Variants in RFTN1 observed in about 807,000 individuals in gnomAD.
The protein encoded by RFTN1 is raftlin, lipid raft linker 1.
Under a neutral mutation model 46.5 loss-of-function variants are expected in RFTN1, and 26 were observed. That is an observed-to-expected ratio of 0.56 (90% CI 0.41 to 0.78). The LOEUF is 0.78. Among genes scored for constraint, RFTN1 ranks in the 30% least tolerant of loss-of-function variants. RFTN1 has a pLI of 0.00. For missense variants in RFTN1, 693 were observed against 718.7 expected (o/e 0.96, Z 0.41); for synonymous variants, 261 against 284.2 (o/e 0.92, Z 0.82).
chr3:16,428,917 T>A lies in RFTN1; in HGVS notation c.332+4934A>T, dbSNP rs2075334909. On this transcript the variant is annotated intron_variant, in intron 3 of 9. Transcript: ENST00000334133. This position sits in a 1 kb window ranked among gnomAD's most constrained non-coding sequence, Gnocchi z 4.7. Reference sequence around the variant, plus strand: ...AAAACTACTTGAAAAAAATGAAGGATCACTTAACTATACTTAGAATTCAGA... The same window carrying A: ...AAAACTACTTGAAAAAAATGAAGGAACACTTAACTATACTTAGAATTCAGA... Among the ~76,000 whole-genome samples the A allele has an allele frequency of 6.6e-6, 1 of 152,168 alleles. No homozygotes were observed. The highest frequency in any genetic ancestry group is 1.5e-5 in the Non-Finnish European group (1 of 68,018).
chr3:16,493,710 A>G lies in RFTN1; in HGVS notation c.145+15T>C. 7.3e-7 allele frequency: 1 copy of G among 1,378,896 alleles called. No individual in the cohort carries two copies. The allele number at this position is 1,378,896 out of a possible 1,614,324, so 85.4% of individuals were successfully genotyped here. On this transcript the variant is annotated intron_variant, in intron 2 of 9. Coordinates refer to ENST00000334133, the MANE Select transcript of RFTN1 (RefSeq NM_015150.2). ...ACCCCACCTGCCCCCATCCATTCCC[A>G]CCCCATGTACTCACCAGCACTCAGA...
intron 3 of RFTN1, among the ~76,000 whole-genome samples, chr3:16,432,566 G>A (rs2075410783): frequency 6.6e-6 from 1 of 152,084 alleles, no homozygotes; most frequent in Non-Finnish European, 1.5e-5. Context: ...GCCAGGCTCA[G>A]TGGCTCACAC....
In RFTN1 at chr3:16,329,125, T is replaced by G. The variant is rs1256600038; in HGVS notation, c.1147-2249A>C. Among the ~76,000 whole-genome samples the G allele has an allele frequency of 1.3e-5, 2 of 152,206 alleles. No homozygotes were observed. The highest frequency in any genetic ancestry group is 4.8e-5 in the African/African-American group (2 of 41,468). ...TTAATGCCAACTCAGGCAAAGGGCT[T>G]GAGGCTACAAGTTCAGTCTCCTGCT... On this transcript the variant is annotated intron_variant, in intron 7 of 9. Transcript: ENST00000334133. The surrounding 1 kb of genome is among the most constrained non-coding windows in gnomAD (Gnocchi z 4.5).
chr3:16,364,673 T>A (rs1274230617), intron 6 of RFTN1, among the ~76,000 whole-genome samples: 5 of 152,014 alleles, frequency 3.3e-5, no homozygotes, highest in Non-Finnish European at 7.4e-5. Flanking sequence ...AATAAATAAA[T>A]AAAAATATGC....
At chr3:16,392,523 G>T (rs374631556) in intron 4 of RFTN1, among the ~76,000 whole-genome samples, 1 of 151,710 alleles carries the variant, frequency 6.6e-6, no homozygotes, top group Non-Finnish European at 1.5e-5. Context: ...GTTCACTGAC[G>T]GTGCATAATT....
Position 16,498,413 on chromosome 3 carries a change from C to T in RFTN1, c.-8-4536G>A, listed in dbSNP as rs765623742. On this transcript the variant is annotated intron_variant, in intron 1 of 9. Coordinates refer to ENST00000334133, the MANE Select transcript of RFTN1 (RefSeq NM_015150.2). This position sits in a 1 kb window ranked among gnomAD's most constrained non-coding sequence, Gnocchi z 5.2. ...GATGTGTTTCAGGCAGGTCACTGAA[C>T]CTGTTCTGGTTCTGAGGCTGCCCAA... Among the ~76,000 whole-genome samples the T allele has an allele frequency of 4.6e-5, 7 of 152,178 alleles. No individual in the cohort carries two copies. Among genetic ancestry groups the T allele is most frequent in the Non-Finnish European group, 8.8e-5 (6 of 68,018 alleles).
In RFTN1 at chr3:16,456,672, CA is replaced by C. The variant is rs552799904; in HGVS notation, c.146-22636del. On this transcript the variant is annotated intron_variant, in intron 2 of 9. Transcript: ENST00000334133. ...TCTATCTATATTCTTCACGTTAGAACATTTAAAACTAAGACATTTTAAAAAT... is the reference window on the plus strand; with the variant it reads ...TCTATCTATATTCTTCACGTTAGAACTTTAAAACTAAGACATTTTAAAAAT... Among the ~76,000 whole-genome samples, 246 of 152,282 alleles carry C rather than the reference CA, an allele frequency of 1.6e-3. 1 individual carries two copies. Among genetic ancestry groups the C allele is most frequent in the African/African-American group, 5.6e-3 (231 of 41,562 alleles).
At position 16,443,282 on chromosome 3, in the gene RFTN1, G is replaced by A. The variant is rs1421246372; in HGVS notation, c.146-9245C>T. Among the ~76,000 whole-genome samples the A allele has an allele frequency of 1.3e-5, 2 of 152,294 alleles. No individual in the cohort carries two copies. The highest frequency in any genetic ancestry group is 2.1e-4 in the South Asian group (1 of 4,826). ...GTAGCCATTCTAACAGGTGTGAGCT[G>A]ATATCTCACTGTGGTTTTGATTTGC... On this transcript the variant is annotated intron_variant, in intron 2 of 9. Transcript: ENST00000334133. The surrounding 1 kb of genome is among the most constrained non-coding windows in gnomAD (Gnocchi z 5.5).
At position 16,387,525 on chromosome 3, in the gene RFTN1, G is replaced by A. The variant is rs1339077146; in HGVS notation, c.442-9423C>T. Among the ~76,000 whole-genome samples the A allele has an allele frequency of 2.7e-5, 4 of 147,470 alleles. No homozygotes were observed. Among genetic ancestry groups the A allele is most frequent in the Non-Finnish European group, 5.9e-5 (4 of 67,624 alleles). On this transcript the variant is annotated intron_variant, in intron 4 of 9. Transcript: ENST00000334133. This position sits in a 1 kb window ranked among gnomAD's most constrained non-coding sequence, Gnocchi z 5.2. ...GCTCATGTTTTCTGGCACCCTGGAA[G>A]ACCCAGCTCTACTTAGGACCACTTC...
chr3:16,399,167 TG>T (rs1447079414), intron 4 of RFTN1, among the ~76,000 whole-genome samples: 2 of 152,122 alleles, frequency 1.3e-5, no homozygotes, highest in Non-Finnish European at 2.9e-5. Context: ...TCTAATTCCC[TG>T]GTCAGATATT....
Position 16,468,303 on chromosome 3 carries a change from G to A in RFTN1, c.145+25422C>T, listed in dbSNP as rs58498138. Among the ~76,000 whole-genome samples the A allele has an allele frequency of 0.12, 18,529 of 152,014 alleles. 1,246 individuals carry two copies. Among genetic ancestry groups the A allele is most frequent in the East Asian group, 0.22 (1,150 of 5,168 alleles). ...TAGGAGTTCCCAAACCCTCACTGTC[G>A]TTCGTTTTTGAAGTACCTGCATTCT... On this transcript the variant is annotated intron_variant, in intron 2 of 9. Transcript: ENST00000334133. This position sits in a 1 kb window ranked among gnomAD's most constrained non-coding sequence, Gnocchi z 4.4.
intron 2 of RFTN1, among the ~76,000 whole-genome samples, chr3:16,485,816 C>G (rs575413672): frequency 1.1e-4 from 16 of 152,344 alleles, no homozygotes; most frequent in Non-Finnish European, 1.8e-4. Flanking sequence ...CTGCGACACC[C>G]TTCAGTGGAC....
rs2124901768 is a variant in RFTN1, at chr3:16,449,511, A to G, written c.146-15474T>C. On this transcript the variant is annotated intron_variant, in intron 2 of 9. Coordinates refer to ENST00000334133, the MANE Select transcript of RFTN1 (RefSeq NM_015150.2). The surrounding 1 kb of genome is among the most constrained non-coding windows in gnomAD (Gnocchi z 5.1). ...ATAAAGTCCTAGAACTGCACCTGGA[A>G]CTGGTAACTCCTCCATACACGGGAG... Among the ~76,000 whole-genome samples, 1 of 152,334 alleles carries G rather than the reference A, an allele frequency of 6.6e-6. No individual in the cohort carries two copies. The highest frequency in any genetic ancestry group is 2.1e-4 in the South Asian group (1 of 4,824).
chr3:16,435,464 G>A (rs1442822198), intron 2 of RFTN1, among the ~76,000 whole-genome samples: 4 of 152,284 alleles, frequency 2.6e-5, no homozygotes, highest in Admixed American at 6.5e-5. Context: ...CAGCTACTCG[G>A]GAGGCTGAGG....
rs1266288372 is a variant in RFTN1, at chr3:16,338,382, G to T, written c.1147-11506C>A. On this transcript the variant is annotated intron_variant, in intron 7 of 9. Transcript: ENST00000334133. This position sits in a 1 kb window ranked among gnomAD's most constrained non-coding sequence, Gnocchi z 5.3. ...GGGGCCAACTCTGACCCGTAGCAGG[G>T]ACAGGCACTGCAGTTCTGACTGTGG... Among the ~76,000 whole-genome samples, 1 of 152,236 alleles carries T rather than the reference G, an allele frequency of 6.6e-6. No individual in the cohort carries two copies. Among genetic ancestry groups the T allele is most frequent in the Non-Finnish European group, 1.5e-5 (1 of 68,042 alleles).
Position 16,402,736 on chromosome 3 carries a change from C to T in RFTN1, c.441+6639G>A. ...TGAGATTTTTCCATCTGTCAAGGTG[C>T]TTTCTTTAGGTTGAGGCATAAGTAG... On this transcript the variant is annotated intron_variant, in intron 4 of 9. Coordinates refer to ENST00000334133, the MANE Select transcript of RFTN1 (RefSeq NM_015150.2). The surrounding 1 kb of genome is among the most constrained non-coding windows in gnomAD (Gnocchi z 4.5). 6.6e-6 allele frequency among the ~76,000 whole-genome samples: 1 copy of T among 152,272 alleles called. No individual in the cohort carries two copies. Among genetic ancestry groups the T allele is most frequent in the South Asian group, 2.1e-4 (1 of 4,818 alleles).
intron 4 of RFTN1, among the ~76,000 whole-genome samples, chr3:16,391,417 A>G (rs905171192): frequency 6.6e-6 from 1 of 152,340 alleles, no homozygotes; most frequent in South Asian, 2.1e-4. Context: ...TTTTAAACAC[A>G]TAAGAAGTCA....
chr3:16,382,303 G>A lies in RFTN1; in HGVS notation c.442-4201C>T, dbSNP rs2074018382. On this transcript the variant is annotated intron_variant, in intron 4 of 9. Transcript: ENST00000334133. The surrounding 1 kb of genome is among the most constrained non-coding windows in gnomAD (Gnocchi z 4.7). ...AGATCAATATTTGGCTAGATCTAGG[G>A]GCCACGACTCTTACAGTTCTGTCTT... Among the ~76,000 whole-genome samples, 1 of 152,044 alleles carries A rather than the reference G, an allele frequency of 6.6e-6. No homozygotes were observed. The highest frequency in any genetic ancestry group is 6.5e-5 in the Admixed American group (1 of 15,282).
chr3:16,454,795 G>A (rs746181107), intron 2 of RFTN1: 79 of 985,276 alleles, frequency 8.0e-5, no homozygotes, highest in African/African-American at 1.7e-4. Context: ...GTTTTCTGGC[G>A]TGTCTCCCAG....
Sources: allele counts gnomAD v4.1 joint callset (sites outside exome capture counted in the v4.1 genomes callset), GRCh38; gene constraint gnomAD v4.1.1; non-coding constraint Gnocchi (gnomAD v3.1); transcripts MANE v1.5; gene names NCBI Gene and HGNC (gene_info 2026-07-23, HGNC 2026-07-21).